The following GABBR2 variants were observed in gnomAD, a reference collection of about 807,000 sequenced individuals.
GABBR2 encodes the protein gamma-aminobutyric acid type B receptor subunit 2, also known as G-protein coupled receptor 51.
A neutral mutation model predicts 105.6 loss-of-function variants in GABBR2; 23 were observed. The ratio of observed to expected loss-of-function variants is 0.22; its 90% CI spans 0.16 to 0.31. The LOEUF (loss-of-function observed/expected upper bound fraction) is 0.31. GABBR2 is among the 10% of genes least tolerant of loss of function. The probability of loss-of-function intolerance (pLI) is 1.00; values close to 1 mark genes in which losing one functional copy is unlikely to be tolerated. For missense variants in GABBR2, 734 were observed against 1,245.5 expected (o/e 0.59, Z 6.18); for synonymous variants, 478 against 499.7 (o/e 0.96, Z 0.58).
chr9:98,514,094 G>T (rs1827708710), intron 3 of GABBR2, among the ~76,000 whole-genome samples: 2 of 142,512 alleles, frequency 1.4e-5, no homozygotes, highest in Admixed American at 1.4e-4. Context: ...ATGAGTTCAT[G>T]TCCTTTGTAG....
At chr9:98,673,687 C>T (rs1245420618) in intron 1 of GABBR2, among the ~76,000 whole-genome samples, 1 of 151,960 alleles carries the variant, frequency 6.6e-6, no homozygotes, top group Non-Finnish European at 1.5e-5. Context: ...ACTTTAGGTC[C>T]CTGAAAATAA....
At chr9:98,625,122 G>A (rs1397940807) in intron 1 of GABBR2, among the ~76,000 whole-genome samples, 4 of 152,228 alleles carry the variant, frequency 2.6e-5, no homozygotes, top group Non-Finnish European at 5.9e-5. Flanking sequence ...CCTGGATGAT[G>A]TGTCAAGGCT....
intron 4 of GABBR2, among the ~76,000 whole-genome samples, chr9:98,485,592 C>A (rs1416705896): frequency 6.6e-6 from 1 of 152,112 alleles, no homozygotes; most frequent in South Asian, 2.1e-4. Context: ...CTAGCATGTA[C>A]CCCCAGTTTG....
intron 13 of GABBR2, among the ~76,000 whole-genome samples, chr9:98,321,447 C>A (rs1830820930): frequency 6.6e-6 from 1 of 152,220 alleles, no homozygotes; most frequent in Non-Finnish European, 1.5e-5. Context: ...CATGCCCCAA[C>A]CTGGCAGAAG....
chr9:98,502,668 A>G (rs1347098737), intron 3 of GABBR2, among the ~76,000 whole-genome samples: 1 of 152,118 alleles, frequency 6.6e-6, no homozygotes, highest in African/African-American at 2.4e-5. Context: ...CCTGCCCTCC[A>G]TGGATGCAAG....
At chr9:98,600,516 G>A (rs1829313517) in intron 1 of GABBR2, among the ~76,000 whole-genome samples, 1 of 152,224 alleles carries the variant, frequency 6.6e-6, no homozygotes, top group South Asian at 2.1e-4. Context: ...TGAGAGAGGG[G>A]CTCTAGATTC....
intron 11 of GABBR2, among the ~76,000 whole-genome samples, chr9:98,372,331 G>C (rs898613145): frequency 3.9e-5 from 6 of 152,162 alleles, no homozygotes; most frequent in African/African-American, 1.4e-4. Context: ...ATACCCAGGA[G>C]ACGTGCACAT....
intron 7 of GABBR2, among the ~76,000 whole-genome samples, chr9:98,418,434 C>T (rs2131550423): frequency 6.6e-6 from 1 of 152,110 alleles, no homozygotes; most frequent in East Asian, 1.9e-4. Flanking sequence ...ACTCAGGGGG[C>T]TGAGGTGAGA....
intron 7 of GABBR2, among the ~76,000 whole-genome samples, chr9:98,406,970 C>T (rs1832501322): frequency 6.6e-6 from 1 of 152,144 alleles, no homozygotes; most frequent in African/African-American, 2.4e-5. Flanking sequence ...GGGGATGACC[C>T]CCATTTTGCA....
At chr9:98,587,395 C>T (rs1182112634) in intron 1 of GABBR2, among the ~76,000 whole-genome samples, 9 of 152,212 alleles carry the variant, frequency 5.9e-5, no homozygotes. Flanking sequence ...TCAGTAAAAA[C>T]TACTAAATCA....
At position 98,514,075 on chromosome 9, in the gene GABBR2, T is replaced by TA. The variant is rs1360107698; in HGVS notation, c.631-17562dup. On this transcript the variant is annotated intron_variant, in intron 3 of 18. Coordinates refer to ENST00000259455, the MANE Select transcript of GABBR2 (RefSeq NM_005458.8). ...TACACCATGGAATACTATGCAGCTA[T>TA]AAAAAATGATGAGTTCATGTCCTTT... 2.0e-4 allele frequency among the ~76,000 whole-genome samples: 30 copies of TA among 146,596 alleles called. 1 individual carries two copies. The highest frequency in any genetic ancestry group is 3.8e-4 in the East Asian group (2 of 5,198).
At chr9:98,467,427 T>C (rs1255047618) in intron 6 of GABBR2, among the ~76,000 whole-genome samples, 1 of 151,658 alleles carries the variant, frequency 6.6e-6, no homozygotes, top group Non-Finnish European at 1.5e-5. Context: ...CCTAGGGGAG[T>C]AGCAAGGAAT....
chr9:98,459,621 G>A (rs1463196130), intron 6 of GABBR2, among the ~76,000 whole-genome samples: 2 of 152,204 alleles, frequency 1.3e-5, no homozygotes, highest in African/African-American at 4.8e-5. Context: ...TGATAATTAA[G>A]CTGCATAAAG....
chr9:98,309,225 G>C (rs559401975), intron 14 of GABBR2, among the ~76,000 whole-genome samples: 1 of 152,342 alleles, frequency 6.6e-6, no homozygotes, highest in African/African-American at 2.4e-5. Flanking sequence ...AGCTTCACGG[G>C]AAGACATACA....
intron 18 of GABBR2, among the ~76,000 whole-genome samples, 188 bp downstream of exon 18, chr9:98,293,597 A>G (rs1830334136): frequency 6.6e-6 from 1 of 152,250 alleles, no homozygotes; most frequent in Non-Finnish European, 1.5e-5. Flanking sequence ...ACCTTTGGCA[A>G]GTCACCTCCC....
At chr9:98,500,919 C>G (rs897340016) in intron 3 of GABBR2, among the ~76,000 whole-genome samples, 1 of 152,134 alleles carries the variant, frequency 6.6e-6, no homozygotes, top group Non-Finnish European at 1.5e-5. Context: ...GGTCCAGCAC[C>G]CTGTGTTTCA....
At chr9:98,595,116 T>C (rs1829213796) in intron 1 of GABBR2, among the ~76,000 whole-genome samples, 1 of 152,114 alleles carries the variant, frequency 6.6e-6, no homozygotes, top group African/African-American at 2.4e-5. Flanking sequence ...TTTCCCACCG[T>C]TCTGGAGGCC....
At chr9:98,374,650 T>G (rs1317758507) in intron 11 of GABBR2, among the ~76,000 whole-genome samples, 3 of 152,212 alleles carry the variant, frequency 2.0e-5, no homozygotes, top group Non-Finnish European at 4.4e-5. Flanking sequence ...GTGTCATCTC[T>G]AATGTGCTTC....
chr9:98,493,694 C>T (rs1393847131), intron 4 of GABBR2, among the ~76,000 whole-genome samples: 2 of 152,208 alleles, frequency 1.3e-5, no homozygotes, highest in Non-Finnish European at 1.5e-5. Flanking sequence ...AAATCAGAAA[C>T]TTGCTTTTCC....
Sources: allele counts gnomAD v4.1 joint callset (sites outside exome capture counted in the v4.1 genomes callset), GRCh38; gene constraint gnomAD v4.1.1; transcripts MANE v1.5; gene names NCBI Gene and HGNC (gene_info 2026-07-23, HGNC 2026-07-21).